The following ZER1 variants were observed in gnomAD, a reference collection of about 807,000 sequenced individuals.
The protein encoded by ZER1 is zyg-11 related cell cycle regulator, also known as protein zer-1 homolog.
In ZER1, 11 loss-of-function variants were observed where a neutral mutation model predicts 78.8. That is an observed-to-expected ratio of 0.14 (90% CI 0.09 to 0.23). The LOEUF is 0.23. Ranked by LOEUF, ZER1 falls within the 10% of genes least tolerant of loss-of-function variation. The pLI is 1.00. For synonymous variants in ZER1, 400 were observed against 407.0 expected (o/e 0.98, Z 0.21); for missense variants, 588 against 996.9 (o/e 0.59, Z 5.52).
At chr9:128,768,818 G>A (rs1277224444) in intron 1 of ZER1, among the ~76,000 whole-genome samples, 1 of 152,040 alleles carries the variant, frequency 6.6e-6, no homozygotes, top group East Asian at 1.9e-4. Context: ...GATCAGCCAC[G>A]CACACTCCAA....
chr9:128,733,316 C>G lies in ZER1; in HGVS notation c.2243+110G>C, dbSNP rs558865405. On this transcript the variant is annotated intron_variant, in intron 15 of 15. Transcript: ENST00000291900. Reference sequence around the variant, plus strand: ...ACACTGTCAACCTCCATACTCAACTCTAAGCTGTCCCTGGGAATTTCAGCC... The same window carrying G: ...ACACTGTCAACCTCCATACTCAACTGTAAGCTGTCCCTGGGAATTTCAGCC... 5.8e-4 allele frequency: 516 copies of G among 889,320 alleles called. 3 individuals are homozygous for G. Among genetic ancestry groups the G allele is most frequent in the South Asian group, 4.3e-3 (272 of 63,512 alleles). 55.1% of individuals were successfully genotyped at this position (889,320 alleles called of 1,614,324 possible).
In ZER1 at chr9:128,738,627, C is replaced by T. The variant is rs544840108; in HGVS notation, c.2042+1304G>A. Among the ~76,000 whole-genome samples the T allele has an allele frequency of 4.2e-3, 581 of 137,466 alleles. No individual in the cohort carries two copies. In the Middle Eastern group the frequency reaches 0.055, roughly 13 times the overall value. 90.2% of individuals were successfully genotyped at this position (137,466 alleles called of 152,430 possible). On this transcript the variant is annotated intron_variant, in intron 13 of 15. Transcript: ENST00000291900. ...GTCTCGATTTCCTGACCTCATGATC[C>T]GCCCGCCTCTGCCTCCCAAAGTGCT...
chr9:128,737,066 C>T (rs1180780319), intron 13 of ZER1, among the ~76,000 whole-genome samples: 3 of 152,032 alleles, frequency 2.0e-5, no homozygotes, highest in East Asian at 3.9e-4. Context: ...ATCGCTTGAA[C>T]CTGGGAGACG....
chr9:128,751,932 T>C lies in ZER1; in HGVS notation c.924-405A>G, dbSNP rs1007586654. Among the ~76,000 whole-genome samples the C allele has an allele frequency of 7.2e-5, 11 of 152,244 alleles. No individual in the cohort carries two copies. Among genetic ancestry groups the C allele is most frequent in the African/African-American group, 2.7e-4 (11 of 41,470 alleles). On this transcript the variant is annotated intron_variant, in intron 5 of 15. Transcript: ENST00000291900. This position sits in a 1 kb window ranked among gnomAD's most constrained non-coding sequence, Gnocchi z 5.4. The stretch of plus-strand genomic sequence containing the variant: ...ACCAACCAATCCAAGAACCGACCTA[T>C]GTCCAGCAATACTCCATAGGTGGCA...
In ZER1 at chr9:128,755,383, C is replaced by A; in HGVS notation, c.158+25G>T. On this transcript the variant is annotated intron_variant, in intron 2 of 15. Coordinates refer to ENST00000291900, the MANE Select transcript of ZER1 (RefSeq NM_006336.4). This position sits in a 1 kb window ranked among gnomAD's most constrained non-coding sequence, Gnocchi z 5.6. The stretch of plus-strand genomic sequence containing the variant: ...ACACATTCATGGTAAGACCCCTGCC[C>A]CTCCTCAGCCCTGGGTCTGCTCACT... 1 of 1,612,760 alleles carries A rather than the reference C, an allele frequency of 6.2e-7. No homozygotes were observed. The highest frequency in any genetic ancestry group is 8.5e-7 in the Non-Finnish European group (1 of 1,178,892).
intron 15 of ZER1, 47 bp from the exon 16 acceptor site, chr9:128,731,441 G>GGTGGGGGGGGC: frequency 2.8e-6 from 2 of 704,914 alleles, no homozygotes. Context: ...CTTGGGTGGG[G>GGTGGGGGGGGC]GTGAGCCCAG....
intron 1 of ZER1, among the ~76,000 whole-genome samples, chr9:128,768,258 A>G (rs1362463441): frequency 1.3e-5 from 2 of 152,158 alleles, no homozygotes; most frequent in East Asian, 3.8e-4. Context: ...TACTGAAGCC[A>G]AGCAAAAAAA....
In ZER1 at chr9:128,730,645, A is replaced by C. The variant is rs1453510309; in HGVS notation, c.*692T>G. ...TGGGAGACTAGGAGGCAGCCTCCATAGCAGCGTGGCCTCAGGCAGGCCTGG... is the reference window on the plus strand; with the variant it reads ...TGGGAGACTAGGAGGCAGCCTCCATCGCAGCGTGGCCTCAGGCAGGCCTGG... On this transcript the variant is annotated 3_prime_UTR_variant, in exon 16 of 16. Coordinates refer to ENST00000291900, the MANE Select transcript of ZER1 (RefSeq NM_006336.4). The C allele has an allele frequency of 6.5e-6, 1 of 152,818 alleles. No homozygotes were observed. Among genetic ancestry groups the C allele is most frequent in the Non-Finnish European group, 1.5e-5 (1 of 68,200 alleles). The allele number at this position is 152,818 out of a possible 1,614,324, so 9.5% of individuals were successfully genotyped here.
At chr9:128,760,487 C>T (rs1864006432) in intron 1 of ZER1, among the ~76,000 whole-genome samples, 1 of 152,190 alleles carries the variant, frequency 6.6e-6, no homozygotes, top group South Asian at 2.1e-4. Context: ...CAGGCGTGAG[C>T]CACCGCACCC....
At chr9:128,768,275 T>G (rs901511692) in intron 1 of ZER1, among the ~76,000 whole-genome samples, 2 of 151,760 alleles carry the variant, frequency 1.3e-5, no homozygotes, top group Admixed American at 6.6e-5. Context: ...AAAACCAGAG[T>G]GCCAAGAGCA....
At chr9:128,752,934 C>A (rs999046134) in intron 4 of ZER1, 85 bp from the exon 5 acceptor site, 1 of 1,494,016 alleles carries the variant, frequency 6.7e-7, no homozygotes, top group Non-Finnish European at 9.0e-7. Flanking sequence ...TAGTCTGTAG[C>A]AGGGGAGGGC....
Position 128,741,527 on chromosome 9 carries a change from G to T in ZER1, c.1737+8C>A. On this transcript the variant is annotated splice_region_variant and intron_variant, in intron 11 of 15. Coordinates refer to ENST00000291900, the MANE Select transcript of ZER1 (RefSeq NM_006336.4). ...GAGGCAGCTGCTGCTGCAGGAGGTG[G>T]ACACTACCTTCAGGCAGTCCAGGAA... The T allele has an allele frequency of 1.2e-6, 2 of 1,614,044 alleles. No homozygotes were observed. Among genetic ancestry groups the T allele is most frequent in the Non-Finnish European group, 1.7e-6 (2 of 1,179,920 alleles).
chr9:128,750,869 T>C, intron 7 of ZER1, 80 bp from the exon 8 acceptor site: 1 of 1,572,134 alleles, frequency 6.4e-7, no homozygotes. Flanking sequence ...ACAGGCTCTC[T>C]GGGGCAAGGT....
At chr9:128,743,902 T>A (rs978877596) in intron 8 of ZER1, among the ~76,000 whole-genome samples, 2 of 140,522 alleles carry the variant, frequency 1.4e-5, no homozygotes, top group Admixed American at 1.4e-4. Flanking sequence ...GCTTTTTTTT[T>A]TTTTTTTTTT....
intron 1 of ZER1, among the ~76,000 whole-genome samples, chr9:128,759,057 C>T (rs540130730): frequency 1.3e-5 from 2 of 150,658 alleles, no homozygotes; most frequent in Admixed American, 1.3e-4. Flanking sequence ...AGTGCAGTGG[C>T]GCGATCTCGG....
chr9:128,764,434 A>T (rs557251257), intron 1 of ZER1, among the ~76,000 whole-genome samples: 2 of 152,224 alleles, frequency 1.3e-5, no homozygotes, highest in Admixed American at 6.5e-5. Context: ...GAGCCCAGTT[A>T]CCTAGGCAGC....
At chr9:128,757,201 A>T (rs1275428536) in intron 1 of ZER1, among the ~76,000 whole-genome samples, 1 of 151,730 alleles carries the variant, frequency 6.6e-6, no homozygotes, top group African/African-American at 2.4e-5. Context: ...CTGCCTCAAA[A>T]TTAAAAACTC....
At chr9:128,731,439 G>T in intron 15 of ZER1, 45 bp from the exon 16 acceptor site, 2 of 1,139,918 alleles carry the variant, frequency 1.8e-6, no homozygotes, top group South Asian at 2.5e-5. Context: ...GGCTTGGGTG[G>T]GGGTGAGCCC....
intron 13 of ZER1, 21 bp downstream of exon 13, chr9:128,739,910 C>T (rs746445057): frequency 5.6e-6 from 9 of 1,594,900 alleles, no homozygotes; most frequent in East Asian, 2.3e-5. Flanking sequence ...ACCGCATCCC[C>T]GCTCCCTGCC....
Sources: gnomAD v4.1 joint callset for allele counts (sites outside exome capture counted in the v4.1 genomes callset) on GRCh38, gnomAD v4.1.1 for gene constraint, Gnocchi (gnomAD v3.1) non-coding constraint, MANE v1.5 for transcripts, NCBI Gene and HGNC (gene_info 2026-07-23, HGNC 2026-07-21) for gene names.